Variants in ASPHD2 observed in about 807,000 individuals in gnomAD.
The protein encoded by ASPHD2 is aspartate beta-hydroxylase domain-containing protein 2.
ASPHD2 carries 12 observed loss-of-function variants against 34.6 expected under a neutral mutation model. That is an observed-to-expected ratio of 0.35 (90% confidence interval 0.22 to 0.56). The LOEUF (loss-of-function observed/expected upper bound fraction) is 0.56, where lower values mean the gene tolerates loss of function less well. ASPHD2 is among the 20% of genes least tolerant of loss of function. The pLI is 0.87. For missense variants in ASPHD2, 375 were observed against 505.0 expected, an observed-to-expected ratio of 0.74 and a Z score of 2.47; for synonymous variants, 224 against 212.2, an observed-to-expected ratio of 1.06 and a Z score of -0.48.
rs2084872818 is a variant in ASPHD2, at chr22:26,443,442, A to G, written c.*236A>G. 6.4e-6 allele frequency: 3 copies of G among 470,490 alleles called. No individual in the cohort carries two copies. The highest frequency in any genetic ancestry group is 4.5e-5 in the South Asian group (2 of 44,546). The allele number at this position is 470,490 out of a possible 1,614,324, so 29.1% of individuals were successfully genotyped here. A position where few individuals can be genotyped will look rare whatever the true frequency, so the allele number is the denominator to read the frequency against. ...TTTTTTCCTTCCAATCATTTGCTTC[A>G]GAGACTCCTTTCTGGCCTAACAGCG... On this transcript the variant is annotated 3_prime_UTR_variant, in exon 4 of 4. Transcript: ENST00000215906.
In ASPHD2 at chr22:26,444,524, T is replaced by C. The variant is rs2084893404; in HGVS notation, c.*1318T>C. On this transcript the variant is annotated 3_prime_UTR_variant, in exon 4 of 4. Transcript: ENST00000215906. ...TCTAGAAATAGCCTGTGTTAGCTGATGTGTGAAAGCGTAGCCGGCCAGCCA... is the reference window on the plus strand; with the variant it reads ...TCTAGAAATAGCCTGTGTTAGCTGACGTGTGAAAGCGTAGCCGGCCAGCCA... 1 of 152,232 alleles carries C rather than the reference T, an allele frequency of 6.6e-6. No individual in the cohort carries two copies. Among genetic ancestry groups the C allele is most frequent in the Non-Finnish European group, 1.5e-5 (1 of 68,046 alleles). The allele number at this position is 152,232 out of a possible 1,614,324, so 9.4% of individuals were successfully genotyped here. A position where few individuals can be genotyped will look rare whatever the true frequency, so the allele number is the denominator to read the frequency against.
chr22:26,443,081 CCT>C lies in ASPHD2; in HGVS notation c.1001-14_1001-13del. ...GGTGGTTTGAACCTGTCCTCTCACC[CCT>C]CCTTCCCCCCCAGGTTCAGCAGAGG... On this transcript the variant is annotated splice_polypyrimidine_tract_variant and intron_variant, in intron 3 of 3. Coordinates refer to ENST00000215906, the MANE Select transcript of ASPHD2 (RefSeq NM_020437.5). 6.2e-7 allele frequency: 1 copy of C among 1,601,424 alleles called. No individual in the cohort carries two copies. The highest frequency in any genetic ancestry group is 8.6e-7 in the Non-Finnish European group (1 of 1,168,290).
intron 1 of ASPHD2, among the ~76,000 whole-genome samples, chr22:26,432,991 C>G (rs896002009): frequency 6.6e-6 from 1 of 152,166 alleles, no homozygotes; most frequent in Non-Finnish European, 1.5e-5. Context: ...GGAGTATAAG[C>G]ATTGATTAAA....
rs531947066 is a variant in ASPHD2 at position 26,439,695 on chromosome 22, A to G, written c.887-2764A>G. Among the ~76,000 whole-genome samples, 3 of 152,292 alleles carry G rather than the reference A, an allele frequency of 2.0e-5. No individual in the cohort carries two copies. In the East Asian group the frequency reaches 5.8e-4, roughly 29 times the overall value. ...TATTGGTAACAAGGATAGAAGTCCC[A>G]TAGCAGCCCTGGAAGGTTCAGTATG... is the stretch of plus-strand genomic sequence containing the variant. On this transcript the variant is annotated intron_variant, in intron 2 of 3. Coordinates refer to ENST00000215906, the MANE Select transcript of ASPHD2 (RefSeq NM_020437.5).
rs2084881235 is a variant in ASPHD2, at chr22:26,443,851, T to C, written c.*645T>C. ...CCATCGCTCACCTCATTCTAAACCT[T>C]GTCAGGTCCCTGATGGCAAAAGCAT... On this transcript the variant is annotated 3_prime_UTR_variant, in exon 4 of 4. Coordinates refer to ENST00000215906, the MANE Select transcript of ASPHD2 (RefSeq NM_020437.5). The C allele has an allele frequency of 1.3e-5, 2 of 152,222 alleles. No individual in the cohort carries two copies. Among genetic ancestry groups the C allele is most frequent in the Admixed American group, 1.3e-4 (2 of 15,276 alleles). The allele number at this position is 152,222 out of a possible 1,614,324, so 9.4% of individuals were successfully genotyped here. A position where few individuals can be genotyped will look rare whatever the true frequency, so the allele number is the denominator to read the frequency against.
At position 26,443,135 on chromosome 22, in the gene ASPHD2, G is replaced by A; in HGVS notation, c.1039G>A (p.Asp347Asn). The A allele has an allele frequency of 6.2e-7, 1 of 1,614,166 alleles. No individual in the cohort carries two copies. Among genetic ancestry groups the A allele is most frequent in the African/African-American group, 1.3e-5 (1 of 75,032 alleles). Residue 347 changes from aspartate to asparagine, a missense_variant, in exon 4 of 4, where the codon GAT becomes AAT. Physicochemically the swap from Asp to Asn is conservative, Grantham distance 23. Around this residue, in one of 3 missense-constraint regions of ASPHD2, gnomAD observed 142 missense variants for 217.9 expected, o/e 0.65. Coordinates refer to ENST00000215906, the MANE Select transcript of ASPHD2 (RefSeq NM_020437.5). ...EDGPRVVFMVDLWHPNVAAAE... is the reference protein window; with the variant it reads ...EDGPRVVFMVNLWHPNVAAAE... ...TGGCCCACGGGTGGTTTTCATGGTG[G>A]ATTTGTGGCATCCAAACGTCGCAGC...
Position 26,444,759 on chromosome 22 carries a change from C to T in ASPHD2, c.*1553C>T, listed in dbSNP as rs765655916. On this transcript the variant is annotated 3_prime_UTR_variant, in exon 4 of 4. Transcript: ENST00000215906. ...ACTAGCAAGTGTGCAAAGAGCACGT[C>T]TACATTTGAGTAAAATGTCTACACA... 6 of 152,198 alleles carry T rather than the reference C, an allele frequency of 3.9e-5. No homozygotes were observed. Among genetic ancestry groups the T allele is most frequent in the Non-Finnish European group, 8.8e-5 (6 of 68,044 alleles). 9.4% of individuals were successfully genotyped at this position (152,198 alleles called of 1,614,324 possible).
chr22:26,443,017 A>C (rs962780223), intron 3 of ASPHD2, 80 bp from the exon 4 acceptor site: 3 of 1,022,972 alleles, frequency 2.9e-6, no homozygotes, highest in Non-Finnish European at 4.6e-6. Context: ...CTGAGCACGT[A>C]GGGTCCAGCC....
rs1326639516 is a variant in ASPHD2, at chr22:26,443,319, G to A, written c.*113G>A. On this transcript the variant is annotated 3_prime_UTR_variant, in exon 4 of 4. Coordinates refer to ENST00000215906, the MANE Select transcript of ASPHD2 (RefSeq NM_020437.5). The stretch of plus-strand genomic sequence containing the variant: ...TCCATGCTCAGAAACCTGCCTCAGC[G>A]GAAAGCTCTTATTTGGGATTTTATA... 1.9e-5 allele frequency: 16 copies of A among 835,006 alleles called. No homozygotes were observed. The highest frequency in any genetic ancestry group is 2.3e-4 in the Middle Eastern group (1 of 4,294). 51.7% of individuals were successfully genotyped at this position (835,006 alleles called of 1,614,324 possible).
chr22:26,442,656 CA>C, intron 3 of ASPHD2, 84 bp downstream of exon 3: 1 of 1,185,142 alleles, frequency 8.4e-7, no homozygotes, highest in Non-Finnish European at 1.2e-6. Flanking sequence ...CCAGAAAAAT[CA>C]GGCAGAAAGT....
At chr22:26,441,263 G>C (rs528702051) in intron 2 of ASPHD2, among the ~76,000 whole-genome samples, 5 of 151,710 alleles carry the variant, frequency 3.3e-5, no homozygotes, top group Non-Finnish European at 7.4e-5. Context: ...GATAGCTTGA[G>C]GCCAGGAGTT....
chr22:26,443,440 T>C lies in ASPHD2; in HGVS notation c.*234T>C, dbSNP rs907285381. The C allele has an allele frequency of 1.9e-5, 9 of 474,882 alleles. No homozygotes were observed. The highest frequency in any genetic ancestry group is 1.6e-4 in the African/African-American group (8 of 50,598). The allele number at this position is 474,882 out of a possible 1,614,324, so 29.4% of individuals were successfully genotyped here. Reference sequence around the variant, plus strand: ...TTTTTTTTCCTTCCAATCATTTGCTTCAGAGACTCCTTTCTGGCCTAACAG... The same window carrying C: ...TTTTTTTTCCTTCCAATCATTTGCTCCAGAGACTCCTTTCTGGCCTAACAG... On this transcript the variant is annotated 3_prime_UTR_variant, in exon 4 of 4. Transcript: ENST00000215906.
rs2084769578 is a variant in ASPHD2 at position 26,433,552 on chromosome 22, G to A, written c.-64G>A. 1.6e-6 allele frequency: 2 copies of A among 1,219,738 alleles called. No homozygotes were observed. The highest frequency in any genetic ancestry group is 2.3e-6 in the Non-Finnish European group (2 of 858,696). 75.6% of individuals were successfully genotyped at this position (1,219,738 alleles called of 1,614,324 possible). ...ATCAATGCCGCCCCTGGCAGTATCT[G>A]AGGATCGGTGGCAGCCATGCCTCCC... On this transcript the variant is annotated 5_prime_UTR_variant, in exon 2 of 4. Transcript: ENST00000215906. The surrounding 1 kb of genome is among the most constrained non-coding windows in gnomAD (Gnocchi z 5.1).
chr22:26,431,850 C>T (rs938337807), intron 1 of ASPHD2, among the ~76,000 whole-genome samples: 3 of 152,202 alleles, frequency 2.0e-5, no homozygotes, highest in African/African-American at 7.2e-5. Context: ...GTCCATCCGC[C>T]ATCATTCATC....
chr22:26,437,639 A>C (rs1037422671), intron 2 of ASPHD2, among the ~76,000 whole-genome samples: 2 of 152,184 alleles, frequency 1.3e-5, no homozygotes, highest in African/African-American at 2.4e-5. Context: ...CTAGCTAAAG[A>C]AGCACAGTTA....
Position 26,444,678 on chromosome 22 carries a change from GC to G in ASPHD2, c.*1473del, listed in dbSNP as rs2084895589. On this transcript the variant is annotated 3_prime_UTR_variant, in exon 4 of 4. Transcript: ENST00000215906. ...GTTTAGATCCAAATGGAAAACAGCA[GC>G]TTCTAAGAGGTACAACTGTTGGAAG... 1 of 152,244 alleles carries G rather than the reference GC, an allele frequency of 6.6e-6. No homozygotes were observed. Among genetic ancestry groups the G allele is most frequent in the Non-Finnish European group, 1.5e-5 (1 of 68,054 alleles). The allele number at this position is 152,244 out of a possible 1,614,324, so 9.4% of individuals were successfully genotyped here.
chr22:26,443,682 C>G lies in ASPHD2; in HGVS notation c.*476C>G, dbSNP rs2084877870. On this transcript the variant is annotated 3_prime_UTR_variant, in exon 4 of 4. Coordinates refer to ENST00000215906, the MANE Select transcript of ASPHD2 (RefSeq NM_020437.5). ...GAGCTAGAGAACTTGGCCTCTGATG[C>G]TGGCACACTGGGGACCCTTCAGCCA... The G allele has an allele frequency of 6.6e-6, 1 of 152,472 alleles. No individual in the cohort carries two copies. The highest frequency in any genetic ancestry group is 1.5e-5 in the Non-Finnish European group (1 of 68,500). The allele number at this position is 152,472 out of a possible 1,614,324, so 9.4% of individuals were successfully genotyped here.
In ASPHD2 at chr22:26,433,897, G is replaced by A. The variant is rs2084773791; in HGVS notation, c.282G>A (p.Gln94=). Residue 94 remains glutamine, a synonymous_variant, in exon 2 of 4, where the codon CAG becomes CAA. Coordinates refer to ENST00000215906, the MANE Select transcript of ASPHD2 (RefSeq NM_020437.5). This position sits in a 1 kb window ranked among gnomAD's most constrained non-coding sequence, Gnocchi z 5.1. ...RPYVSVNSLM[Q]AADANGLQNG... is the part of the protein sequence containing the mutation. ...ACGTCTCCGTCAACTCCCTCATGCA[G>A]GCTGCCGATGCCAACGGGCTGCAGA... The A allele has an allele frequency of 1.2e-6, 2 of 1,613,558 alleles. No individual in the cohort carries two copies. Among genetic ancestry groups the A allele is most frequent in the South Asian group, 2.2e-5 (2 of 91,090 alleles).
At position 26,434,162 on chromosome 22, in the gene ASPHD2, G is replaced by A. The variant is rs771541203; in HGVS notation, c.547G>A (p.Ala183Thr). The A allele has an allele frequency of 8.1e-6, 13 of 1,612,216 alleles. No homozygotes were observed. The highest frequency in any genetic ancestry group is 1.1e-5 in the South Asian group (1 of 91,036). The change falls in exon 2 of 4, where the codon GCA (alanine) becomes ACA (threonine). Residue 183 changes from alanine (A) to threonine (T), a missense_variant. By Grantham distance (58) the Ala-to-Thr change is moderately conservative. This residue lies in a region of ASPHD2 where 223 missense variants were observed against 257.8 expected (regional missense o/e 0.87). Coordinates refer to ENST00000215906, the MANE Select transcript of ASPHD2 (RefSeq NM_020437.5). ...CACCACGCCCTATTTCTCCCGGGAC[G>A]CACAGAAACATGATGTGGAAGTGCT... ...LPTTPYFSRD[A>T]QKHDVEVLER...
Sources: allele counts gnomAD v4.1 joint callset (sites outside exome capture counted in the v4.1 genomes callset), GRCh38; gene constraint gnomAD v4.1.1; regional missense constraint gnomAD v4.1.1; non-coding constraint Gnocchi (gnomAD v3.1); transcripts MANE v1.5; gene names NCBI Gene and HGNC (gene_info 2026-07-23, HGNC 2026-07-21).